FLVCR1: variants seen among roughly 807,000 people sequenced by gnomAD.
The protein encoded by FLVCR1 is FLVCR choline and heme transporter 1.
FLVCR1 carries 34 observed loss-of-function variants against 53.6 expected under a neutral mutation model. The observed-to-expected ratio is 0.63, with a 90% CI of 0.48 to 0.84. The LOEUF (loss-of-function observed/expected upper bound fraction) is 0.84, where lower values mean the gene tolerates loss of function less well. Ranked by LOEUF, FLVCR1 falls within the 40% of genes least tolerant of loss-of-function variation. The pLI is 0.00. For missense variants in FLVCR1, 677 were observed against 696.7 expected (o/e 0.97, Z 0.32); for synonymous variants, 300 against 286.3 (o/e 1.05, Z -0.48).
chr1:212,884,114 AC>A (rs968365628), intron 4 of FLVCR1, among the ~76,000 whole-genome samples: 10 of 152,192 alleles, frequency 6.6e-5, no homozygotes, highest in African/African-American at 2.4e-4. Context: ...AGCCTGACCG[AC>A]ATGGAGAAAC....
intron 5 of FLVCR1, among the ~76,000 whole-genome samples, chr1:212,885,830 C>T (rs550549622): frequency 5.3e-5 from 8 of 152,096 alleles, no homozygotes; most frequent in African/African-American, 1.4e-4. Flanking sequence ...GGATTACAGG[C>T]GTGAGCCACC....
intron 2 of FLVCR1, among the ~76,000 whole-genome samples, chr1:212,870,969 C>A (rs1430844562): frequency 6.6e-6 from 1 of 152,108 alleles, no homozygotes; most frequent in Non-Finnish European, 1.5e-5. Flanking sequence ...GGGGTTTCAC[C>A]ATGTTGGCCA....
At chr1:212,867,972 T>G (rs1231741649) in intron 2 of FLVCR1, among the ~76,000 whole-genome samples, 1 of 151,788 alleles carries the variant, frequency 6.6e-6, no homozygotes, top group East Asian at 1.9e-4. Context: ...CCCGGCTAAT[T>G]TTTTGTATTT....
chr1:212,888,108 T>C, intron 6 of FLVCR1, 107 bp downstream of exon 6: 1 of 722,152 alleles, frequency 1.4e-6, no homozygotes, highest in Non-Finnish European at 2.4e-6. Context: ...TTCTTCAATA[T>C]TTTAAACTTT....
intron 5 of FLVCR1, 130 bp downstream of exon 5, chr1:212,885,526 G>T: frequency 8.4e-6 from 5 of 597,396 alleles, no homozygotes; most frequent in South Asian, 3.8e-5. Context: ...ACACTAGTAG[G>T]TTCTCTTCAC....
At chr1:212,864,192 T>C (rs1269202921) in intron 2 of FLVCR1, among the ~76,000 whole-genome samples, 4 of 152,250 alleles carry the variant, frequency 2.6e-5, no homozygotes, top group Non-Finnish European at 5.9e-5. Context: ...ATGCCTCTTA[T>C]GCCTACCTAG....
At chr1:212,891,030 A>G (rs1665178138) in intron 8 of FLVCR1, among the ~76,000 whole-genome samples, 1 of 152,234 alleles carries the variant, frequency 6.6e-6, no homozygotes, top group South Asian at 2.1e-4. Flanking sequence ...AATATGTAAT[A>G]CATTAACTGC....
In FLVCR1 at chr1:212,886,042, C is replaced by CTTTTT. The variant is rs5780703; in HGVS notation, c.1196+660_1196+664dup. On this transcript the variant is annotated intron_variant, in intron 5 of 9. Coordinates refer to ENST00000366971, the MANE Select transcript of FLVCR1 (RefSeq NM_014053.4). ...GACTTTTGATAGACTTTATCTTGTT[C>CTTTTT]TTTTTTTTTTTTTTTTTTAGGTGGG... is the stretch of plus-strand genomic sequence containing the variant. Among the ~76,000 whole-genome samples, 1,014 of 121,098 alleles carry CTTTTT rather than the reference C, an allele frequency of 8.4e-3. 40 individuals carry two copies. The highest frequency in any genetic ancestry group is 0.028 in the African/African-American group (854 of 30,988). The allele number at this position is 121,098 out of a possible 152,430, so 79.4% of individuals were successfully genotyped here. A position where few individuals can be genotyped will look rare whatever the true frequency, so the allele number is the denominator to read the frequency against.
At chr1:212,882,078 G>A (rs766354856) in intron 3 of FLVCR1, among the ~76,000 whole-genome samples, 5 of 152,106 alleles carry the variant, frequency 3.3e-5, no homozygotes, top group Non-Finnish European at 2.9e-5. Flanking sequence ...TAGTATGAAC[G>A]GATAACAACT....
chr1:212,882,118 A>G (rs1204962302), intron 3 of FLVCR1, among the ~76,000 whole-genome samples: 1 of 152,208 alleles, frequency 6.6e-6, no homozygotes, highest in Non-Finnish European at 1.5e-5. Context: ...TTATATCTAG[A>G]AAGTAGAAGG....
chr1:212,892,432 C>T (rs1192405145), intron 8 of FLVCR1, among the ~76,000 whole-genome samples: 1 of 152,206 alleles, frequency 6.6e-6, no homozygotes, highest in Non-Finnish European at 1.5e-5. Context: ...ATTTTCTCTG[C>T]CTAAGCTCTA....
intron 3 of FLVCR1, among the ~76,000 whole-genome samples, chr1:212,877,202 C>G (rs1199813113): frequency 7.2e-6 from 1 of 137,988 alleles, no homozygotes; most frequent in Non-Finnish European, 1.5e-5. Context: ...GTGGCATGAT[C>G]TTGGCTCACT....
rs1334575151 is a variant in FLVCR1, at chr1:212,897,554, G to A, written c.*2264G>A. 1.3e-5 allele frequency: 2 copies of A among 152,234 alleles called. No homozygotes were observed. Among genetic ancestry groups the A allele is most frequent in the Non-Finnish European group, 2.9e-5 (2 of 68,106 alleles). 9.4% of individuals were successfully genotyped at this position (152,234 alleles called of 1,614,324 possible). On this transcript the variant is annotated 3_prime_UTR_variant, in exon 10 of 10. Transcript: ENST00000366971. ...AAAGAACAGAAATACCTGAGACTGG[G>A]TAATTTATAAATAAAAGAGGTTTAA... is the stretch of plus-strand genomic sequence containing the variant.
At chr1:212,876,656 C>A (rs1239968110) in intron 3 of FLVCR1, among the ~76,000 whole-genome samples, 1 of 152,120 alleles carries the variant, frequency 6.6e-6, no homozygotes, top group South Asian at 2.1e-4. Flanking sequence ...TGAGCCACTG[C>A]GCCCGGCCTG....
At chr1:212,888,034 G>A (rs1329526099) in intron 6 of FLVCR1, 33 bp downstream of exon 6, 11 of 1,171,692 alleles carry the variant, frequency 9.4e-6, no homozygotes, top group South Asian at 6.1e-5. Flanking sequence ...AGGAATGATA[G>A]CATGCTGTTA....
chr1:212,895,136 T>C (rs1665299813), intron 9 of FLVCR1, 80 bp from the exon 10 acceptor site: 1 of 1,370,768 alleles, frequency 7.3e-7, no homozygotes. Flanking sequence ...TAGCTATTTT[T>C]CTCCCGAGTC....
Position 212,858,295 on chromosome 1 carries a change from G to T in FLVCR1, c.-158G>T. On this transcript the variant is annotated 5_prime_UTR_variant, in exon 1 of 10. Coordinates refer to ENST00000366971, the MANE Select transcript of FLVCR1 (RefSeq NM_014053.4). ...GGAGGAGACCTTCATCTGTTCACGCGGTAGCGCGGATTGCGGTTCGCGGCG... is the reference window on the plus strand; with the variant it reads ...GGAGGAGACCTTCATCTGTTCACGCTGTAGCGCGGATTGCGGTTCGCGGCG... 1.4e-6 allele frequency: 1 copy of T among 716,900 alleles called. No individual in the cohort carries two copies. The highest frequency in any genetic ancestry group is 2.2e-6 in the Non-Finnish European group (1 of 460,678). 44.4% of individuals were successfully genotyped at this position (716,900 alleles called of 1,614,324 possible).
At chr1:212,872,547 T>C (rs529008415) in intron 2 of FLVCR1, 131 bp from the exon 3 acceptor site, 25 of 658,210 alleles carry the variant, frequency 3.8e-5, no homozygotes, top group Middle Eastern at 8.4e-4. Context: ...AAAAGACTTA[T>C]ATACCTCTTT....
chr1:212,875,339 A>G (rs534390042), intron 3 of FLVCR1, among the ~76,000 whole-genome samples: 5 of 152,324 alleles, frequency 3.3e-5, no homozygotes, highest in South Asian at 2.1e-4. Flanking sequence ...ATTGAGGCCT[A>G]TCATTGAGAA....
Sources: gnomAD v4.1 joint callset for allele counts (sites outside exome capture counted in the v4.1 genomes callset) on GRCh38, gnomAD v4.1.1 for gene constraint, MANE v1.5 for transcripts, NCBI Gene and HGNC (gene_info 2026-07-23, HGNC 2026-07-21) for gene names.